KRTAP12-3: variants seen among roughly 807,000 people sequenced by gnomAD.
KRTAP12-3 encodes the protein keratin associated protein 12-3, also known as keratin-associated protein 12-3.
Under a neutral mutation model 0.2 loss-of-function variants are expected in KRTAP12-3, and 1 was observed. The ratio of observed to expected loss-of-function variants is 4.14; its 90% confidence interval spans 1.47 to 19.66. The LOEUF (loss-of-function observed/expected upper bound fraction) is 19.66. Ranked by LOEUF, KRTAP12-3 falls within the 30% of genes most tolerant of loss-of-function variation. The pLI, the probability that KRTAP12-3 is intolerant of heterozygous loss-of-function variation, is 0.11. For missense variants in KRTAP12-3, 116 were observed against 128.2 expected (o/e 0.90, Z 0.46); for synonymous variants, 61 against 54.3 (o/e 1.12, Z -0.54).
At position 44,658,317 on chromosome 21, in the gene KRTAP12-3, A is replaced by T; in HGVS notation, c.*47A>T. 6.4e-7 allele frequency: 1 copy of T among 1,566,422 alleles called. No individual in the cohort carries two copies. Among genetic ancestry groups the T allele is most frequent in the Non-Finnish European group, 8.7e-7 (1 of 1,143,676 alleles). ...GGGTACACACCTGTATCCCTCCGTG[A>T]ATAAGCATCTGGTGGACCCCCAGAT... is the stretch of plus-strand genomic sequence containing the variant. On this transcript the variant is annotated 3_prime_UTR_variant, in exon 1 of 1. Transcript: ENST00000397907.
Position 44,658,047 on chromosome 21 carries a change from C to A in KRTAP12-3, c.68C>A (p.Ser23Tyr). The A allele has an allele frequency of 1.2e-6, 2 of 1,613,962 alleles. No individual in the cohort carries two copies. Among genetic ancestry groups the A allele is most frequent in the Non-Finnish European group, 1.7e-6 (2 of 1,179,868 alleles). ...TCCIHSPCQASCYVPVSCQSS... is the reference protein window; with the variant it reads ...TCCIHSPCQAYCYVPVSCQSS... ...TGCATACACAGCCCCTGCCAGGCAT[C>A]CTGCTATGTGCCCGTGAGCTGCCAG... The change falls in exon 1 of 1, where the codon TCC (serine) becomes TAC (tyrosine). Residue 23 changes from serine (S) to tyrosine (Y), a missense_variant. Ser to Tyr is a moderately radical substitution (Grantham distance 144, BLOSUM62 -2). Coordinates refer to ENST00000397907, the MANE Select transcript of KRTAP12-3 (RefSeq NM_198697.2).
Position 44,658,203 on chromosome 21 carries a change from G to A in KRTAP12-3, c.224G>A (p.Cys75Tyr), listed in dbSNP as rs781943253. Residue 75 changes from cysteine (C) to tyrosine (Y), a missense_variant, in exon 1 of 1, where the codon TGC (cysteine) becomes TAC (tyrosine). Transcript: ENST00000397907. ...ACTCCCTCTTGCCAATCTTCGGGGT[G>A]CTGCCAGCCCCCCTGCACCACTGCC... ...YVTPSCQSSGCCQPPCTTALC... is the reference protein window; with the variant it reads ...YVTPSCQSSGYCQPPCTTALC... 1.1e-5 allele frequency: 17 copies of A among 1,614,054 alleles called. No individual in the cohort carries two copies. The African/African-American group carries it at 1.3e-4, about 13-fold the overall frequency.
Position 44,658,257 on chromosome 21 carries a change from C to T in KRTAP12-3, c.278C>T (p.Pro93Leu). 2.5e-6 allele frequency: 4 copies of T among 1,613,516 alleles called. No homozygotes were observed. The highest frequency in any genetic ancestry group is 3.4e-6 in the Non-Finnish European group (4 of 1,179,532). ...TGCAGACCCATCTCCTGCAGCACCC[C>T]TTCCTGCTGCTGACCAGCTGCTCCT... ...ALCRPISCSTPSCC is the reference protein window; with the variant it reads ...ALCRPISCSTLSCC Residue 93 changes from proline (P) to leucine (L), a missense_variant, in exon 1 of 1, where the codon CCT becomes CTT. Physicochemically the swap from Pro to Leu is moderately conservative, Grantham distance 98. Coordinates refer to ENST00000397907, the MANE Select transcript of KRTAP12-3 (RefSeq NM_198697.2).
rs200134575 is a variant in KRTAP12-3 at position 44,658,115 on chromosome 21, G to T, written c.136G>T (p.Val46Leu). 1 of 1,613,504 alleles carries T rather than the reference G, an allele frequency of 6.2e-7. No individual in the cohort carries two copies. The highest frequency in any genetic ancestry group is 2.2e-5 in the East Asian group (1 of 44,870). The change falls in exon 1 of 1, where the codon GTG becomes TTG. Residue 46 changes from valine to leucine, a missense_variant. By Grantham distance (32) the Val-to-Leu change is conservative. Coordinates refer to ENST00000397907, the MANE Select transcript of KRTAP12-3 (RefSeq NM_198697.2). ...MPVSCTRIVCVAPSCQPSVCV... is the reference protein window; with the variant it reads ...MPVSCTRIVCLAPSCQPSVCV... ...CGTGAGCTGCACGCGCATTGTGTGC[G>T]TGGCTCCCTCCTGCCAGCCCTCCGT...
In KRTAP12-3 at chr21:44,658,295, T is replaced by G. The variant is rs1601538770; in HGVS notation, c.*25T>G. 6.2e-7 allele frequency: 1 copy of G among 1,606,634 alleles called. No homozygotes were observed. The highest frequency in any genetic ancestry group is 1.3e-5 in the African/African-American group (1 of 74,846). On this transcript the variant is annotated 3_prime_UTR_variant, in exon 1 of 1. Coordinates refer to ENST00000397907, the MANE Select transcript of KRTAP12-3 (RefSeq NM_198697.2). ...ACCAGCTGCTCCTGGTACACGGGGG[T>G]ACACACCTGTATCCCTCCGTGAATA...
rs782588842 is a variant in KRTAP12-3, at chr21:44,657,997, C to T, written c.18C>T (p.Cys6=). 4.0e-5 allele frequency: 65 copies of T among 1,613,556 alleles called. 1 individual carries two copies. In the East Asian group the frequency reaches 9.4e-4, roughly 23 times the overall value. The stretch of plus-strand genomic sequence containing the variant: ...ACGCCACCATGTGCCACACCAGCTG[C>T]TCCCCAGCCTGCCAGCCAACCTGCT... The part of the protein sequence containing the change: MCHTS[C]SPACQPTCCI... Residue 6 remains cysteine, a synonymous_variant, in exon 1 of 1, where the codon TGC becomes TGT. Transcript: ENST00000397907.
rs781989672 is a variant in KRTAP12-3 at position 44,658,038 on chromosome 21, G to T, written c.59G>T (p.Cys20Phe). 108 of 1,613,766 alleles carry T rather than the reference G, an allele frequency of 6.7e-5. No homozygotes were observed. Among genetic ancestry groups the T allele is most frequent in the Non-Finnish European group, 8.6e-5 (101 of 1,179,844 alleles). The change falls in exon 1 of 1, where the codon TGC becomes TTC. Residue 20 changes from cysteine (C) to phenylalanine (F), a missense_variant. Transcript: ENST00000397907. Reference sequence around the variant, plus strand: ...CCAACCTGCTGCATACACAGCCCCTGCCAGGCATCCTGCTATGTGCCCGTG... The same window carrying T: ...CCAACCTGCTGCATACACAGCCCCTTCCAGGCATCCTGCTATGTGCCCGTG... ...CQPTCCIHSPCQASCYVPVSC... is the reference protein window; with the variant it reads ...CQPTCCIHSPFQASCYVPVSC...
chr21:44,658,311 T>C lies in KRTAP12-3; in HGVS notation c.*41T>C, dbSNP rs782206273. ...ACACGGGGGTACACACCTGTATCCC[T>C]CCGTGAATAAGCATCTGGTGGACCC... On this transcript the variant is annotated 3_prime_UTR_variant, in exon 1 of 1. Transcript: ENST00000397907. 2 of 1,577,454 alleles carry C rather than the reference T, an allele frequency of 1.3e-6. No homozygotes were observed. The highest frequency in any genetic ancestry group is 1.7e-6 in the Non-Finnish European group (2 of 1,152,124).
At position 44,658,290 on chromosome 21, in the gene KRTAP12-3, G is replaced by A. The variant is rs782586582; in HGVS notation, c.*20G>A. Reference sequence around the variant, plus strand: ...TGCTGACCAGCTGCTCCTGGTACACGGGGGTACACACCTGTATCCCTCCGT... The same window carrying A: ...TGCTGACCAGCTGCTCCTGGTACACAGGGGTACACACCTGTATCCCTCCGT... On this transcript the variant is annotated 3_prime_UTR_variant, in exon 1 of 1. Coordinates refer to ENST00000397907, the MANE Select transcript of KRTAP12-3 (RefSeq NM_198697.2). 7.8e-5 allele frequency: 126 copies of A among 1,610,360 alleles called. No homozygotes were observed. The highest frequency in any genetic ancestry group is 2.2e-4 in the East Asian group (10 of 44,814).
In KRTAP12-3 at chr21:44,658,174, T is replaced by C. The variant is rs782619047; in HGVS notation, c.195T>C (p.Tyr65=). 3.7e-6 allele frequency: 6 copies of C among 1,614,068 alleles called. No individual in the cohort carries two copies. In the Admixed American group the frequency reaches 5.0e-5, roughly 13 times the overall value. ...CVPVSCRPII[Y]VTPSCQSSGC... ...CCGTGAGCTGCAGGCCCATCATATATGTGACTCCCTCTTGCCAATCTTCGG... is the reference window on the plus strand; with the variant it reads ...CCGTGAGCTGCAGGCCCATCATATACGTGACTCCCTCTTGCCAATCTTCGG... The change falls in exon 1 of 1, where the codon TAT becomes TAC. Residue 65 remains tyrosine, a synonymous_variant. Transcript: ENST00000397907.
rs587612023 is a variant in KRTAP12-3 at position 44,658,026 on chromosome 21, T to G, written c.47T>G (p.Ile16Arg). 1 of 1,614,020 alleles carries G rather than the reference T, an allele frequency of 6.2e-7. No homozygotes were observed. Among genetic ancestry groups the G allele is most frequent in the South Asian group, 1.1e-5 (1 of 91,062 alleles). ...CSPACQPTCC[I>R]HSPCQASCYV... ...CCAGCCTGCCAGCCAACCTGCTGCATACACAGCCCCTGCCAGGCATCCTGC... is the reference window on the plus strand; with the variant it reads ...CCAGCCTGCCAGCCAACCTGCTGCAGACACAGCCCCTGCCAGGCATCCTGC... The change falls in exon 1 of 1, where the codon ATA becomes AGA. Residue 16 changes from isoleucine to arginine, a missense_variant. Physicochemically the swap from Ile to Arg is moderately conservative, Grantham distance 97. Transcript: ENST00000397907.
At position 44,658,310 on chromosome 21, in the gene KRTAP12-3, CT is replaced by C; in HGVS notation, c.*41del. ...TACACGGGGGTACACACCTGTATCC[CT>C]CCGTGAATAAGCATCTGGTGGACCC... On this transcript the variant is annotated 3_prime_UTR_variant, in exon 1 of 1. Transcript: ENST00000397907. 2.5e-6 allele frequency: 4 copies of C among 1,583,466 alleles called. No individual in the cohort carries two copies. The highest frequency in any genetic ancestry group is 3.5e-6 in the Non-Finnish European group (4 of 1,157,448).
In KRTAP12-3 at chr21:44,658,308, C is replaced by T; in HGVS notation, c.*38C>T. The stretch of plus-strand genomic sequence containing the variant: ...GGTACACGGGGGTACACACCTGTAT[C>T]CCTCCGTGAATAAGCATCTGGTGGA... On this transcript the variant is annotated 3_prime_UTR_variant, in exon 1 of 1. Transcript: ENST00000397907. 1 of 1,583,080 alleles carries T rather than the reference C, an allele frequency of 6.3e-7. No individual in the cohort carries two copies. Among genetic ancestry groups the T allele is most frequent in the Non-Finnish European group, 8.6e-7 (1 of 1,156,666 alleles).
the KRTAP12-3 span, chr21:44,658,207 C>A: frequency 1.9e-6 from 3 of 1,613,636 alleles, no homozygotes; most frequent in African/African-American, 4.0e-5. Flanking sequence ...CGGGGTGCTG[C>A]CAGCCCCCCT....
At position 44,658,023 on chromosome 21, in the gene KRTAP12-3, G is replaced by T. The variant is rs781970402; in HGVS notation, c.44G>T (p.Cys15Phe). 6.2e-7 allele frequency: 1 copy of T among 1,613,980 alleles called. No homozygotes were observed. The highest frequency in any genetic ancestry group is 1.1e-5 in the South Asian group (1 of 91,060). ...SCSPACQPTC[C>F]IHSPCQASCY... ...TCCCCAGCCTGCCAGCCAACCTGCTGCATACACAGCCCCTGCCAGGCATCC... is the reference window on the plus strand; with the variant it reads ...TCCCCAGCCTGCCAGCCAACCTGCTTCATACACAGCCCCTGCCAGGCATCC... Residue 15 changes from cysteine (C) to phenylalanine (F), a missense_variant, in exon 1 of 1, where the codon TGC becomes TTC. Coordinates refer to ENST00000397907, the MANE Select transcript of KRTAP12-3 (RefSeq NM_198697.2).
In KRTAP12-3 at chr21:44,658,115, G is replaced by A. The variant is rs200134575; in HGVS notation, c.136G>A (p.Val46Met). ...MPVSCTRIVC[V>M]APSCQPSVCV... ...CGTGAGCTGCACGCGCATTGTGTGC[G>A]TGGCTCCCTCCTGCCAGCCCTCCGT... The change falls in exon 1 of 1, where the codon GTG becomes ATG. Residue 46 changes from valine (V) to methionine (M), a missense_variant. Val to Met is a conservative substitution (Grantham distance 21). Transcript: ENST00000397907. The A allele has an allele frequency of 6.5e-5, 105 of 1,613,502 alleles. No homozygotes were observed. In the African/African-American group the frequency reaches 8.8e-4, roughly 14 times the overall value.
In KRTAP12-3 at chr21:44,658,172, T is replaced by A; in HGVS notation, c.193T>A (p.Tyr65Asn). ...CVPVSCRPII[Y>N]VTPSCQSSGC... ...GCCCGTGAGCTGCAGGCCCATCATATATGTGACTCCCTCTTGCCAATCTTC... is the reference window on the plus strand; with the variant it reads ...GCCCGTGAGCTGCAGGCCCATCATAAATGTGACTCCCTCTTGCCAATCTTC... Residue 65 changes from tyrosine (Y) to asparagine (N), a missense_variant, in exon 1 of 1, where the codon TAT becomes AAT. Physicochemically the swap from Tyr to Asn is moderately radical, Grantham distance 143. Transcript: ENST00000397907. The A allele has an allele frequency of 6.2e-7, 1 of 1,614,088 alleles. No homozygotes were observed. Among genetic ancestry groups the A allele is most frequent in the Non-Finnish European group, 8.5e-7 (1 of 1,180,004 alleles).
chr21:44,657,976 C>T lies in KRTAP12-3; in HGVS notation c.-4C>T. On this transcript the variant is annotated 5_prime_UTR_variant, in exon 1 of 1. Coordinates refer to ENST00000397907, the MANE Select transcript of KRTAP12-3 (RefSeq NM_198697.2). ...CCCCAGTACCAGCCCAGCCACACGCCACCATGTGCCACACCAGCTGCTCCC... is the reference window on the plus strand; with the variant it reads ...CCCCAGTACCAGCCCAGCCACACGCTACCATGTGCCACACCAGCTGCTCCC... 1 of 1,611,740 alleles carries T rather than the reference C, an allele frequency of 6.2e-7. No homozygotes were observed. Among genetic ancestry groups the T allele is most frequent in the Non-Finnish European group, 8.5e-7 (1 of 1,178,372 alleles).
Position 44,658,312 on chromosome 21 carries a change from C to T in KRTAP12-3, c.*42C>T, listed in dbSNP as rs1433318829. On this transcript the variant is annotated 3_prime_UTR_variant, in exon 1 of 1. Coordinates refer to ENST00000397907, the MANE Select transcript of KRTAP12-3 (RefSeq NM_198697.2). ...CACGGGGGTACACACCTGTATCCCTCCGTGAATAAGCATCTGGTGGACCCC... is the reference window on the plus strand; with the variant it reads ...CACGGGGGTACACACCTGTATCCCTTCGTGAATAAGCATCTGGTGGACCCC... 6.3e-7 allele frequency: 1 copy of T among 1,577,508 alleles called. No homozygotes were observed. The highest frequency in any genetic ancestry group is 2.3e-5 in the East Asian group (1 of 44,424).
Sources: allele counts gnomAD v4.1 joint callset, GRCh38; gene constraint gnomAD v4.1.1; transcripts MANE v1.5; gene names NCBI Gene and HGNC (gene_info 2026-07-23, HGNC 2026-07-21).